SNTB1: variants seen among roughly 807,000 people sequenced by gnomAD.
SNTB1 encodes syntrophin beta 1.
In SNTB1, 36 loss-of-function variants were observed where a neutral mutation model predicts 48.9. The observed-to-expected ratio is 0.74, with a 90% CI of 0.56 to 0.97. The LOEUF (loss-of-function observed/expected upper bound fraction) is 0.97, where lower values mean the gene tolerates loss of function less well. Among genes scored for constraint, SNTB1 ranks in the 50% least tolerant of loss-of-function variants. The pLI is 0.00. For missense variants in SNTB1, 786 were observed against 703.4 expected, an observed-to-expected ratio of 1.12 and a Z score of -1.33; for synonymous variants, 299 against 294.6, an observed-to-expected ratio of 1.01 and a Z score of -0.15.
Position 120,693,828 on chromosome 8 carries a change from C to T in SNTB1, c.652G>A (p.Glu218Lys). 1 of 1,614,136 alleles carries T rather than the reference C, an allele frequency of 6.2e-7. No homozygotes were observed. ...SEIGWETPPP[E>K]SPRLGGSTSD... ...GTGCTGCCCCCTAACCGAGGGGATT[C>T]AGGCGGAGGTGTTTCCCACCCAATC... The change falls in exon 2 of 7, where the codon GAA (glutamate) becomes AAA (lysine). Residue 218 changes from glutamate to lysine, a missense_variant. Coordinates refer to ENST00000517992, the MANE Select transcript of SNTB1 (RefSeq NM_021021.4).
At chr8:120,804,510 C>T (rs904748593) in intron 1 of SNTB1, among the ~76,000 whole-genome samples, 2 of 152,070 alleles carry the variant, frequency 1.3e-5, no homozygotes, top group Non-Finnish European at 2.9e-5. Context: ...TAGTATACAG[C>T]AGGATGGGCC....
rs1420496682 is a variant in SNTB1 at position 120,811,317 on chromosome 8, G to T, written c.527C>A (p.Ala176Glu). The change falls in exon 1 of 7, where the codon GCG becomes GAG. Residue 176 changes from alanine to glutamate, a missense_variant. Physicochemically the swap from Ala to Glu is moderately radical, Grantham distance 107. Transcript: ENST00000517992. The stretch of plus-strand genomic sequence containing the variant: ...GCCCGCGCGCTTCAACGCCTGCACC[G>T]CCTCGTCGTGGGTGGCGTCCCGCAG... The part of the protein sequence containing the change: ...ADLRDATHDE[A>E]VQALKRAGKE... The T allele has an allele frequency of 2.5e-6, 4 of 1,610,184 alleles. No individual in the cohort carries two copies. Among genetic ancestry groups the T allele is most frequent in the Non-Finnish European group, 2.5e-6 (3 of 1,179,626 alleles).
intron 3 of SNTB1, among the ~76,000 whole-genome samples, chr8:120,603,965 G>A (rs1816468426): frequency 6.6e-6 from 1 of 152,178 alleles, no homozygotes; most frequent in South Asian, 2.1e-4. Context: ...TAAGAGACTT[G>A]TCAGGCCAAG....
intron 1 of SNTB1, among the ~76,000 whole-genome samples, chr8:120,730,188 T>C (rs1818828901): frequency 6.6e-6 from 1 of 152,190 alleles, no homozygotes; most frequent in Non-Finnish European, 1.5e-5. Flanking sequence ...AGACAGAGTC[T>C]TGCTCTGTCG....
rs1268433269 is a variant in SNTB1, at chr8:120,632,594, G to A, written c.846C>T (p.Asp282=). 27 of 1,614,024 alleles carry A rather than the reference G, an allele frequency of 1.7e-5. No individual in the cohort carries two copies. Among genetic ancestry groups the A allele is most frequent in the Non-Finnish European group, 2.3e-5 (27 of 1,180,040 alleles). Residue 282 remains aspartate, a synonymous_variant, in exon 3 of 7, where the codon GAC becomes GAT. Transcript: ENST00000517992. Reference sequence around the variant, plus strand: ...TGAACCATGCCTGGGCCGTGGCTGAGTCCTTGCTCCTTAGGATCACCGTGT... The same window carrying A: ...TGAACCATGCCTGGGCCGTGGCTGAATCCTTGCTCCTTAGGATCACCGTGT... ...AKHTVILRSK[D]SATAQAWFSA... is the part of the protein sequence containing the mutation.
At chr8:120,548,567 G>A (rs1815422060) in intron 5 of SNTB1, among the ~76,000 whole-genome samples, 195 bp downstream of exon 5, 1 of 152,156 alleles carries the variant, frequency 6.6e-6, no homozygotes, top group African/African-American at 2.4e-5. Context: ...GGTAGGATAA[G>A]TCTTTCTATA....
At chr8:120,650,471 T>A (rs1376208997) in intron 2 of SNTB1, among the ~76,000 whole-genome samples, 4 of 152,060 alleles carry the variant, frequency 2.6e-5, no homozygotes, top group Non-Finnish European at 5.9e-5. Flanking sequence ...CCCCTTTTTT[T>A]CCCTCACCCC....
chr8:120,723,939 C>T (rs182661279), intron 1 of SNTB1, among the ~76,000 whole-genome samples: 2 of 152,304 alleles, frequency 1.3e-5, no homozygotes, highest in South Asian at 2.1e-4. Context: ...AATTATACTA[C>T]ATCCCAATTA....
At chr8:120,648,708 T>C (rs1412833030) in intron 2 of SNTB1, among the ~76,000 whole-genome samples, 1 of 152,040 alleles carries the variant, frequency 6.6e-6, no homozygotes, top group Non-Finnish European at 1.5e-5. Context: ...ATCTGAACGT[T>C]GGCCTGCCTT....
intron 2 of SNTB1, among the ~76,000 whole-genome samples, chr8:120,658,818 A>G (rs1013863370): frequency 2.6e-5 from 4 of 152,130 alleles, no homozygotes; most frequent in African/African-American, 9.7e-5. Flanking sequence ...TGCCACATCA[A>G]TTGACTCTTC....
At chr8:120,786,252 C>T (rs1374001328) in intron 1 of SNTB1, among the ~76,000 whole-genome samples, 2 of 152,194 alleles carry the variant, frequency 1.3e-5, no homozygotes, top group Admixed American at 6.5e-5. Context: ...AGAAGGCATG[C>T]ACCACATTAA....
At chr8:120,668,832 G>T (rs1482222725) in intron 2 of SNTB1, among the ~76,000 whole-genome samples, 1 of 152,206 alleles carries the variant, frequency 6.6e-6, no homozygotes, top group African/African-American at 2.4e-5. Flanking sequence ...AGACTTAGGG[G>T]CAGAAGTTGA....
chr8:120,581,176 A>G (rs572196770), intron 3 of SNTB1, among the ~76,000 whole-genome samples: 1 of 152,276 alleles, frequency 6.6e-6, no homozygotes, highest in Admixed American at 6.5e-5. Flanking sequence ...AGAAAAGGCA[A>G]AGGAGAATGA....
At chr8:120,600,362 G>C (rs6996625) in intron 3 of SNTB1, among the ~76,000 whole-genome samples, 140,732 of 152,306 alleles carry the variant, frequency 0.92, 65,102 homozygotes, top group Middle Eastern at 0.96. Flanking sequence ...CCCAGCTGAG[G>C]TCCCAAATGA....
chr8:120,741,242 T>A (rs549327277), intron 1 of SNTB1, among the ~76,000 whole-genome samples: 3 of 152,364 alleles, frequency 2.0e-5, no homozygotes, highest in African/African-American at 7.2e-5. Context: ...TTTTCTTTCT[T>A]TGTTTTAAGC....
At chr8:120,705,378 A>G (rs549336262) in intron 1 of SNTB1, among the ~76,000 whole-genome samples, 1 of 152,356 alleles carries the variant, frequency 6.6e-6, no homozygotes, top group South Asian at 2.1e-4. Context: ...CACTACAATT[A>G]TTAGAAGTTA....
chr8:120,677,423 G>A (rs1481683263), intron 2 of SNTB1, among the ~76,000 whole-genome samples: 2 of 152,212 alleles, frequency 1.3e-5, no homozygotes, highest in Non-Finnish European at 2.9e-5. Flanking sequence ...CAAACTGTCA[G>A]CTACTACAGA....
At chr8:120,704,287 C>T (rs1262440875) in intron 1 of SNTB1, among the ~76,000 whole-genome samples, 2 of 151,932 alleles carry the variant, frequency 1.3e-5, no homozygotes, top group Admixed American at 6.6e-5. Flanking sequence ...CTCATTTCTA[C>T]AAAAATAAAA....
At chr8:120,574,314 A>T (rs1815912423) in intron 4 of SNTB1, among the ~76,000 whole-genome samples, 1 of 152,336 alleles carries the variant, frequency 6.6e-6, no homozygotes, top group Admixed American at 6.5e-5. Flanking sequence ...AGCTAACAAC[A>T]TGGTATTATA....
Sources: allele counts gnomAD v4.1 joint callset (sites outside exome capture counted in the v4.1 genomes callset), GRCh38; gene constraint gnomAD v4.1.1; transcripts MANE v1.5; gene names NCBI Gene and HGNC (gene_info 2026-07-23, HGNC 2026-07-21).